The following RANBP2 variants were observed in gnomAD, a reference collection of about 807,000 sequenced individuals.
RANBP2 encodes the protein RAN binding protein 2.
RANBP2 carries 57 observed loss-of-function variants against 303.6 expected under a neutral mutation model. The observed-to-expected ratio is 0.19, with a 90% CI of 0.15 to 0.23. The LOEUF is 0.23. Among genes scored for constraint, RANBP2 ranks in the 10% least tolerant of loss-of-function variants. The pLI, the probability that RANBP2 is intolerant of heterozygous loss-of-function variation, is 1.00. For synonymous variants in RANBP2, 1,167 were observed against 1,301.5 expected (o/e 0.90, Z 2.23); for missense variants, 3,138 against 3,780.8 (o/e 0.83, Z 4.46).
chr2:108,874,763 A>C, the RANBP2 span, among the ~76,000 whole-genome samples: 1 of 152,122 alleles, frequency 6.6e-6, no homozygotes, highest in Non-Finnish European at 1.5e-5. Context: ...ACTAGCGCTG[A>C]ATTTATCAAT....
the RANBP2 span, among the ~76,000 whole-genome samples, chr2:109,107,081 G>A: frequency 1.3e-5 from 2 of 151,818 alleles, no homozygotes; most frequent in Non-Finnish European, 2.9e-5. Flanking sequence ...GGGATTACAG[G>A]CACCTGCCAC....
At chr2:108,790,097 A>G (rs138990991), downstream of RANBP2, among the ~76,000 whole-genome samples, 168 of 152,270 alleles carry the variant, frequency 1.1e-3, no homozygotes, top group African/African-American at 3.7e-3. Context: ...AATCTGTGTA[A>G]CACACTTTGA....
the RANBP2 span, among the ~76,000 whole-genome samples, chr2:109,601,064 C>G: frequency 1.3e-5 from 2 of 152,232 alleles, no homozygotes; most frequent in African/African-American, 2.4e-5. Context: ...TGCAAGCTCT[C>G]TGAACCCAGT....
chr2:109,348,799 C>A, the RANBP2 span, among the ~76,000 whole-genome samples: 1 of 152,062 alleles, frequency 6.6e-6, no homozygotes, highest in African/African-American at 2.4e-5. Context: ...CTCCTCCATC[C>A]CCTGCCACTG....
the RANBP2 span, among the ~76,000 whole-genome samples, chr2:109,272,290 G>T: frequency 8.1e-3 from 1,233 of 152,340 alleles, 12 homozygotes; most frequent in East Asian, 0.037. Context: ...ACTGGGTCTT[G>T]GAGCTGATGG....
chr2:109,502,842 G>T, the RANBP2 span: 2 of 152,184 alleles, frequency 1.3e-5, no homozygotes, highest in Non-Finnish European at 2.9e-5. Flanking sequence ...ATCAAAATGT[G>T]CAGTTTCTAC....
chr2:108,737,941 C>T (rs1354480548), intron 6 of RANBP2, among the ~76,000 whole-genome samples: 2 of 151,964 alleles, frequency 1.3e-5, no homozygotes, highest in African/African-American at 4.8e-5. Flanking sequence ...GTCTCGATCT[C>T]CTGACCTCGT....
At chr2:109,198,442 G>T in the RANBP2 span, among the ~76,000 whole-genome samples, 193 of 152,326 alleles carry the variant, frequency 1.3e-3, 1 homozygote, top group African/African-American at 4.3e-3. Context: ...TGGGTACCCT[G>T]CCCAGCACAG....
At chr2:108,856,154 A>G in the RANBP2 span, among the ~76,000 whole-genome samples, 1 of 151,950 alleles carries the variant, frequency 6.6e-6, no homozygotes, top group African/African-American at 2.4e-5. Context: ...CAGGTTTCTC[A>G]GTCATCTGTG....
At chr2:108,824,312 G>A in the RANBP2 span, among the ~76,000 whole-genome samples, 1 of 151,862 alleles carries the variant, frequency 6.6e-6, no homozygotes, top group Non-Finnish European at 1.5e-5. Context: ...ACAAAAATAT[G>A]TATATTTTCT....
the RANBP2 span, among the ~76,000 whole-genome samples, chr2:109,015,493 C>T: frequency 1.3e-5 from 2 of 152,180 alleles, no homozygotes; most frequent in Non-Finnish European, 2.9e-5. Flanking sequence ...CACAGTGGCT[C>T]ATGCCTGTAT....
the RANBP2 span, among the ~76,000 whole-genome samples, chr2:109,031,713 A>G: frequency 3.9e-5 from 6 of 152,246 alleles, no homozygotes; most frequent in Admixed American, 3.3e-4. Flanking sequence ...GCCGGTGGCA[A>G]CCTGGACGCG....
chr2:109,423,205 C>T, the RANBP2 span, among the ~76,000 whole-genome samples: 149 of 152,162 alleles, frequency 9.8e-4, no homozygotes, highest in African/African-American at 3.3e-3. Context: ...GGGGGGTTGG[C>T]CTGCAACAGG....
chr2:109,070,507 A>G, the RANBP2 span, among the ~76,000 whole-genome samples: 2 of 151,812 alleles, frequency 1.3e-5, no homozygotes, highest in Admixed American at 6.6e-5. Flanking sequence ...GGCTGCTGAC[A>G]TCATCTTGGT....
chr2:108,720,767 G>C (rs189049190), intron 1 of RANBP2, among the ~76,000 whole-genome samples: 10 of 152,270 alleles, frequency 6.6e-5, no homozygotes, highest in East Asian at 1.9e-4. Context: ...GGATATTGGC[G>C]GGGCGCAGTG....
At chr2:109,099,186 A>G in the RANBP2 span, among the ~76,000 whole-genome samples, 1 of 152,244 alleles carries the variant, frequency 6.6e-6, no homozygotes, top group African/African-American at 2.4e-5. Context: ...GGGCGTGTGC[A>G]TAGTTAAGAA....
chr2:109,072,071 T>TG, the RANBP2 span, among the ~76,000 whole-genome samples: 1 of 152,238 alleles, frequency 6.6e-6, no homozygotes, highest in Admixed American at 6.5e-5. Flanking sequence ...CTAGTGTGTG[T>TG]GAAACCCTGG....
chr2:109,241,260 C>CAACAAT, the RANBP2 span, among the ~76,000 whole-genome samples: 6 of 151,788 alleles, frequency 4.0e-5, no homozygotes, highest in African/African-American at 1.5e-4. Flanking sequence ...AAGAATATAA[C>CAACAAT]AACAACAACA....
chr2:109,189,367 CT>C, the RANBP2 span, among the ~76,000 whole-genome samples: 5,765 of 147,968 alleles, frequency 0.039, 158 homozygotes, highest in Non-Finnish European at 0.06. Flanking sequence ...AGTCGTTTGA[CT>C]TTTTTTTTTT....
Sources: allele counts gnomAD v4.1 joint callset (sites outside exome capture counted in the v4.1 genomes callset), GRCh38; gene constraint gnomAD v4.1.1; transcripts MANE v1.5; gene names NCBI Gene and HGNC (gene_info 2026-07-23, HGNC 2026-07-21).